CCDC125: variants seen among roughly 807,000 people sequenced by gnomAD.
The protein encoded by CCDC125 is coiled-coil domain containing 125.
In CCDC125, 43 loss-of-function variants were observed where a neutral mutation model predicts 57.4. The ratio of observed to expected loss-of-function variants is 0.75; its 90% CI spans 0.59 to 0.97. The LOEUF is 0.97. Among genes scored for constraint, CCDC125 ranks in the 50% least tolerant of loss-of-function variants. The pLI, the probability that CCDC125 is intolerant of heterozygous loss-of-function variation, is 0.00. For missense variants in CCDC125, 563 were observed against 595.7 expected, an observed-to-expected ratio of 0.95 and a Z score of 0.57; for synonymous variants, 187 against 195.2, an observed-to-expected ratio of 0.96 and a Z score of 0.35.
At position 69,281,668 on chromosome 5, in the gene CCDC125, GA is replaced by G. The variant is rs1239508359; in HGVS notation, c.*1060del. 1 of 152,192 alleles carries G rather than the reference GA, an allele frequency of 6.6e-6. No individual in the cohort carries two copies. The highest frequency in any genetic ancestry group is 2.4e-5 in the African/African-American group (1 of 41,534). 9.4% of individuals were successfully genotyped at this position (152,192 alleles called of 1,614,324 possible). ...TATTTCTAAACTTCATATGGTAAAT[GA>G]AAAATACTGAACAAGGCAAATAAAA... On this transcript the variant is annotated 3_prime_UTR_variant, in exon 12 of 12. Coordinates refer to ENST00000396496, the MANE Select transcript of CCDC125 (RefSeq NM_176816.5).
At chr5:69,286,257 A>C (rs1386847193) in intron 10 of CCDC125, among the ~76,000 whole-genome samples, 19 of 111,512 alleles carry the variant, frequency 1.7e-4, no homozygotes, top group African/African-American at 6.2e-4. Context: ...TTTTAGATGG[A>C]GTCTTGTTCT....
chr5:69,274,358 G>A, the CCDC125 span, among the ~76,000 whole-genome samples: 1 of 152,166 alleles, frequency 6.6e-6, no homozygotes, highest in African/African-American at 2.4e-5. Context: ...GCTGTAGGCC[G>A]GTGCATCGGC....
chr5:69,305,829 A>G (rs1338538046), intron 6 of CCDC125, among the ~76,000 whole-genome samples: 1 of 151,194 alleles, frequency 6.6e-6, no homozygotes, highest in Non-Finnish European at 1.5e-5. Flanking sequence ...GAGCCCCCTG[A>G]CCCCTTCTTC....
chr5:69,310,940 T>C, intron 4 of CCDC125, 178 bp downstream of exon 4: 2 of 399,006 alleles, frequency 5.0e-6, no homozygotes, highest in East Asian at 9.0e-5. Flanking sequence ...AAATGAATTG[T>C]AGTGTACATT....
At chr5:69,293,092 C>G (rs62373181) in intron 9 of CCDC125, among the ~76,000 whole-genome samples, 1 of 151,260 alleles carries the variant, frequency 6.6e-6, no homozygotes, top group Non-Finnish European at 1.5e-5. Context: ...CCACCCGCCT[C>G]GGCCTCCCAA....
At chr5:69,283,172 T>A in intron 11 of CCDC125, 138 bp from the exon 12 acceptor site, 1 of 637,264 alleles carries the variant, frequency 1.6e-6, no homozygotes, top group East Asian at 2.8e-5. Context: ...ATGAATAAAT[T>A]AGGTATCACC....
At chr5:69,293,207 C>T (rs1304622985) in intron 9 of CCDC125, among the ~76,000 whole-genome samples, 1 of 151,980 alleles carries the variant, frequency 6.6e-6, no homozygotes, top group Non-Finnish European at 1.5e-5. Context: ...GATGTGAACA[C>T]GGCTCACTGT....
rs141790532 is a variant in CCDC125 at position 69,327,993 on chromosome 5, T to C, written c.-41+4656A>G. Among the ~76,000 whole-genome samples, 140 of 152,298 alleles carry C rather than the reference T, an allele frequency of 9.2e-4. 1 individual carries two copies. Among genetic ancestry groups the C allele is most frequent in the African/African-American group, 3.2e-3 (135 of 41,572 alleles). ...CTCACTGCAACCTCCGCCTCCCAGG[T>C]TGTAGCAATTCTTGTGCCTCAGCCT... On this transcript the variant is annotated intron_variant, in intron 1 of 11. Transcript: ENST00000396496.
chr5:69,314,118 T>C (rs1758612635), intron 2 of CCDC125, 72 bp from the exon 3 acceptor site: 5 of 1,064,152 alleles, frequency 4.7e-6, no homozygotes, highest in Non-Finnish European at 7.2e-6. Flanking sequence ...ACATAGGACA[T>C]TTGTTTACAA....
intron 3 of CCDC125, among the ~76,000 whole-genome samples, chr5:69,311,519 G>A (rs938502759): frequency 2.6e-5 from 4 of 152,066 alleles, no homozygotes; most frequent in Non-Finnish European, 5.9e-5. Context: ...GGGCGTGGTG[G>A]TGCATGCCTG....
At chr5:69,302,778 C>T (rs1206519505) in intron 7 of CCDC125, among the ~76,000 whole-genome samples, 7 of 151,762 alleles carry the variant, frequency 4.6e-5, no homozygotes, top group Non-Finnish European at 8.8e-5. Context: ...CAACTTTCAT[C>T]GTAAGGTAGA....
chr5:69,283,341 T>C (rs1230280099), intron 11 of CCDC125, among the ~76,000 whole-genome samples: 2 of 150,442 alleles, frequency 1.3e-5, no homozygotes, highest in Admixed American at 1.3e-4. Context: ...TGCCTCAGCC[T>C]CCCAAGTAGC....
At chr5:69,284,469 T>TTGTCACAAACTGTATATA (rs1752993044) in intron 11 of CCDC125, among the ~76,000 whole-genome samples, 1 of 152,136 alleles carries the variant, frequency 6.6e-6, no homozygotes, top group Non-Finnish European at 1.5e-5. Flanking sequence ...ACAGGCAGAC[T>TTGTCACAAACTGTATATA]TGTCACAAAC....
In CCDC125 at chr5:69,307,973, T is replaced by C; in HGVS notation, c.509A>G (p.Glu170Gly). ...HTQAVLQKTM[E>G]QNRSLEKEIN... ...TACCTTCTCCAAGGATCTGTTTTGTTCCATAGTTTTTTGAAGCACTGCCTG... is the reference window on the plus strand; with the variant it reads ...TACCTTCTCCAAGGATCTGTTTTGTCCCATAGTTTTTTGAAGCACTGCCTG... Residue 170 changes from glutamate (E) to glycine (G), a missense_variant, in exon 5 of 12, where the codon GAA (glutamate) becomes GGA (glycine). Physicochemically the swap from Glu to Gly is moderately conservative, Grantham distance 98 (BLOSUM62 -2). Coordinates refer to ENST00000396496, the MANE Select transcript of CCDC125 (RefSeq NM_176816.5). The C allele has an allele frequency of 6.2e-7, 1 of 1,613,950 alleles. No homozygotes were observed.
chr5:69,323,788 AC>A (rs1450604738), intron 1 of CCDC125: 3 of 152,120 alleles, frequency 2.0e-5, no homozygotes, highest in Non-Finnish European at 4.4e-5. Flanking sequence ...TGTGGAGACC[AC>A]CCTAGTCACC....
intron 10 of CCDC125, among the ~76,000 whole-genome samples, chr5:69,288,754 G>T (rs1355916060): frequency 3.3e-5 from 5 of 152,202 alleles, no homozygotes; most frequent in African/African-American, 9.6e-5. Context: ...CATTTGGAGT[G>T]CAGGCCATCT....
intron 7 of CCDC125, 48 bp from the exon 8 acceptor site, chr5:69,300,175 C>T (rs767444579): frequency 7.6e-7 from 1 of 1,321,914 alleles, no homozygotes; most frequent in East Asian, 2.3e-5. Flanking sequence ...CCTAACTCCA[C>T]CCTCATCCAA....
intron 1 of CCDC125, among the ~76,000 whole-genome samples, chr5:69,332,218 T>A (rs978744797): frequency 6.6e-6 from 1 of 152,258 alleles, no homozygotes; most frequent in Non-Finnish European, 1.5e-5. Flanking sequence ...TAATTTTAGA[T>A]GTACAGTAAA....
downstream of CCDC125, among the ~76,000 whole-genome samples, chr5:69,276,220 A>G (rs1019916976): frequency 1.3e-5 from 2 of 151,872 alleles, no homozygotes; most frequent in African/African-American, 4.8e-5. Context: ...GTAGAGATGG[A>G]GTTTCGCCAC....
Sources: allele counts gnomAD v4.1 joint callset (sites outside exome capture counted in the v4.1 genomes callset), GRCh38; gene constraint gnomAD v4.1.1; transcripts MANE v1.5; gene names NCBI Gene and HGNC (gene_info 2026-07-23, HGNC 2026-07-21).